GGNBP2: variants seen among roughly 807,000 people sequenced by gnomAD.
GGNBP2 encodes gametogenetin binding protein 2, also known as gametogenetin-binding protein 2.
A neutral mutation model predicts 85.9 loss-of-function variants in GGNBP2; 10 were observed. The ratio of observed to expected loss-of-function variants is 0.12; its 90% CI spans 0.07 to 0.20. The LOEUF is 0.20. GGNBP2 is among the 10% of genes least tolerant of loss of function. The pLI is 1.00. For missense variants in GGNBP2, 595 were observed against 857.8 expected (o/e 0.69, Z 3.83); for synonymous variants, 287 against 285.7 (o/e 1.00, Z -0.05).
intron 5 of GGNBP2, among the ~76,000 whole-genome samples, chr17:36,561,312 T>C (rs1037425509): frequency 1.3e-5 from 2 of 151,846 alleles, no homozygotes; most frequent in South Asian, 2.1e-4. Context: ...TTAGTAGATA[T>C]GGGGTTTCAC....
At chr17:36,556,456 A>T (rs766326060) in intron 3 of GGNBP2, among the ~76,000 whole-genome samples, 1 of 152,246 alleles carries the variant, frequency 6.6e-6, no homozygotes, top group Non-Finnish European at 1.5e-5. Context: ...CTGTAATCCG[A>T]GCACTTTGGG....
Position 36,545,669 on chromosome 17 carries a change from G to C in GGNBP2, c.-56G>C. 7.3e-7 allele frequency: 1 copy of C among 1,361,842 alleles called. No homozygotes were observed. The allele number at this position is 1,361,842 out of a possible 1,614,324, so 84.4% of individuals were successfully genotyped here. A position where few individuals can be genotyped will look rare whatever the true frequency, so the allele number is the denominator to read the frequency against. On this transcript the variant is annotated 5_prime_UTR_variant, in exon 2 of 14. Coordinates refer to ENST00000613102, the MANE Select transcript of GGNBP2 (RefSeq NM_024835.5). ...GGCGGCGGCAGAAACAGCAGCGGCG[G>C]CGGCGGCGGCAGCTGGGAGGAGGTG...
At chr17:36,551,543 A>G (rs2074308797) in intron 2 of GGNBP2, among the ~76,000 whole-genome samples, 1 of 151,788 alleles carries the variant, frequency 6.6e-6, no homozygotes, top group Non-Finnish European at 1.5e-5. Flanking sequence ...GGTATTATCC[A>G]TATAATTAAA....
intron 6 of GGNBP2, among the ~76,000 whole-genome samples, chr17:36,568,831 C>A (rs562560196): frequency 6.6e-6 from 1 of 151,998 alleles, no homozygotes; most frequent in East Asian, 2.0e-4. Flanking sequence ...TCTCGGCTCA[C>A]TGTAACTGCT....
intron 9 of GGNBP2, among the ~76,000 whole-genome samples, chr17:36,585,063 A>G (rs1026137903): frequency 2.0e-5 from 3 of 152,068 alleles, no homozygotes; most frequent in Non-Finnish European, 4.4e-5. Context: ...TTTTTGTGAG[A>G]GCGCTTGACA....
At chr17:36,559,898 A>G (rs1254800951) in intron 4 of GGNBP2, among the ~76,000 whole-genome samples, 1 of 152,116 alleles carries the variant, frequency 6.6e-6, no homozygotes, top group Admixed American at 6.5e-5. Flanking sequence ...GCAGTGGTGC[A>G]ATCTTGGCTC....
chr17:36,567,189 C>T (rs986871308), intron 5 of GGNBP2, among the ~76,000 whole-genome samples: 1 of 151,536 alleles, frequency 6.6e-6, no homozygotes, highest in African/African-American at 2.4e-5. Context: ...GTTTATTAAC[C>T]AGTTGCTCTC....
At chr17:36,563,411 C>T (rs1025054139) in intron 5 of GGNBP2, among the ~76,000 whole-genome samples, 5 of 152,096 alleles carry the variant, frequency 3.3e-5, no homozygotes, top group African/African-American at 1.2e-4. Flanking sequence ...CTTCATTTAT[C>T]CACCTTTTTC....
intron 4 of GGNBP2, among the ~76,000 whole-genome samples, 169 bp from the exon 5 acceptor site, chr17:36,560,604 G>A (rs879856841): frequency 2.0e-5 from 2 of 101,510 alleles, no homozygotes; most frequent in Non-Finnish European, 4.1e-5. Context: ...GTAGCAGTCA[G>A]TGTTGAAATA....
intron 6 of GGNBP2, among the ~76,000 whole-genome samples, chr17:36,575,648 A>ATATTTTTTTTT (rs374366757): frequency 5.5e-5 from 3 of 54,910 alleles, no homozygotes; most frequent in African/African-American, 2.2e-4. Context: ...ATATATATAT[A>ATATTTTTTTTT]TTTTTTTTTT....
intron 9 of GGNBP2, among the ~76,000 whole-genome samples, chr17:36,583,003 C>A (rs1257811187): frequency 2.6e-5 from 4 of 152,014 alleles, no homozygotes; most frequent in Admixed American, 1.3e-4. Flanking sequence ...TGGTATTATA[C>A]TATATATATT....
chr17:36,575,367 T>C, intron 6 of GGNBP2: 2 of 327,074 alleles, frequency 6.1e-6, no homozygotes, highest in South Asian at 5.7e-5. Flanking sequence ...GTTTTTGTTG[T>C]GCATGTGTGC....
At chr17:36,552,432 C>G (rs2142689481) in intron 2 of GGNBP2, among the ~76,000 whole-genome samples, 1 of 152,256 alleles carries the variant, frequency 6.6e-6, no homozygotes, top group African/African-American at 2.4e-5. Flanking sequence ...ATATTTTGCT[C>G]TTTTCAGTCA....
At chr17:36,554,352 A>ATTTTTTTT (rs780217291) in intron 2 of GGNBP2, among the ~76,000 whole-genome samples, 9 of 44,480 alleles carry the variant, frequency 2.0e-4, no homozygotes, top group Non-Finnish European at 3.2e-4. Flanking sequence ...ATGTACTTGA[A>ATTTTTTTT]TTTTTTTTTT....
At chr17:36,551,749 A>T (rs182933578) in intron 2 of GGNBP2, among the ~76,000 whole-genome samples, 3 of 151,838 alleles carry the variant, frequency 2.0e-5, no homozygotes, top group Non-Finnish European at 2.9e-5. Context: ...GAATTGCTTG[A>T]ACCTGGGAGG....
intron 13 of GGNBP2, chr17:36,587,669 A>G (rs544241576): frequency 1.1e-5 from 2 of 182,980 alleles, no homozygotes; most frequent in East Asian, 2.5e-4. Context: ...TGGGTGGATC[A>G]TGAGGTCAAG....
chr17:36,567,341 G>C (rs1555605985), intron 5 of GGNBP2, among the ~76,000 whole-genome samples: 1 of 152,100 alleles, frequency 6.6e-6, no homozygotes, highest in African/African-American at 2.4e-5. Context: ...TTGTAAACAT[G>C]TTCTAATATC....
Position 36,589,556 on chromosome 17 carries a change from G to A in GGNBP2, c.*145G>A, listed in dbSNP as rs936618410. 1 of 640,160 alleles carries A rather than the reference G, an allele frequency of 1.6e-6. No homozygotes were observed. The highest frequency in any genetic ancestry group is 1.9e-5 in the South Asian group (1 of 51,674). The allele number at this position is 640,160 out of a possible 1,614,324, so 39.7% of individuals were successfully genotyped here. On this transcript the variant is annotated 3_prime_UTR_variant, in exon 14 of 14. Coordinates refer to ENST00000613102, the MANE Select transcript of GGNBP2 (RefSeq NM_024835.5). ...TTTCTTGTTTTGGGAGACGGTGGAGGTATCCTCATTAGTTCTTTCTTCAGG... is the reference window on the plus strand; with the variant it reads ...TTTCTTGTTTTGGGAGACGGTGGAGATATCCTCATTAGTTCTTTCTTCAGG...
At chr17:36,552,624 A>G (rs1234985057) in intron 2 of GGNBP2, among the ~76,000 whole-genome samples, 1 of 152,218 alleles carries the variant, frequency 6.6e-6, no homozygotes, top group Non-Finnish European at 1.5e-5. Context: ...GAGAAGGAAA[A>G]CTAGAAACAA....
Sources: allele counts gnomAD v4.1 joint callset (sites outside exome capture counted in the v4.1 genomes callset), GRCh38; gene constraint gnomAD v4.1.1; transcripts MANE v1.5; gene names NCBI Gene and HGNC (gene_info 2026-07-23, HGNC 2026-07-21).